Variants in RPS29 observed in about 807,000 individuals in gnomAD.
RPS29 encodes the protein small ribosomal subunit protein uS14.
For missense variants in RPS29, 60 were observed against 75.7 expected (o/e 0.79, Z 0.77); for synonymous variants, 37 against 26.9 (o/e 1.37, Z -1.16).
chr14:49,585,928 G>A (rs752497472), intron 2 of RPS29, 22 bp downstream of exon 2: 1 of 1,582,334 alleles, frequency 6.3e-7, no homozygotes, highest in Non-Finnish European at 8.7e-7. Flanking sequence ...AAACAACATG[G>A]AGTACGCCTG....
chr14:49,582,012 C>CCAA (rs71115379), downstream of RPS29, among the ~76,000 whole-genome samples: 3 of 106,506 alleles, frequency 2.8e-5, no homozygotes, highest in African/African-American at 9.1e-5. Context: ...CCCTGCCCCC[C>CCAA]AAAAAAAAAA....
At chr14:49,577,666 C>A in exon 3 of RPS29, 1 of 748,854 alleles carries the variant, frequency 1.3e-6, no homozygotes, top group Non-Finnish European at 2.4e-6. Context: ...TTCTATGAAC[C>A]CTGTTGTTAA....
chr14:49,581,797 G>A (rs1881342305), downstream of RPS29, among the ~76,000 whole-genome samples: 1 of 152,022 alleles, frequency 6.6e-6, no homozygotes, highest in Non-Finnish European at 1.5e-5. Flanking sequence ...GAGAGACCAA[G>A]GCGGGCTGAT....
chr14:49,578,838 C>A (rs183168890), downstream of RPS29, among the ~76,000 whole-genome samples: 4 of 152,264 alleles, frequency 2.6e-5, no homozygotes, highest in African/African-American at 9.6e-5. Flanking sequence ...GGATTACAGG[C>A]ATGAGCCACC....
intron 1 of RPS29, among the ~76,000 whole-genome samples, chr14:49,595,512 TAGG>T (rs947764515): frequency 6.6e-6 from 1 of 150,756 alleles, no homozygotes; most frequent in Admixed American, 6.6e-5. Context: ...GAGGCTGGGG[TAGG>T]AGGATGGCTT....
chr14:49,578,850 C>T (rs376898890), downstream of RPS29, among the ~76,000 whole-genome samples: 2 of 152,128 alleles, frequency 1.3e-5, no homozygotes, highest in Non-Finnish European at 2.9e-5. Flanking sequence ...TGAGCCACCC[C>T]GCCCAGCCAG....
downstream of RPS29, among the ~76,000 whole-genome samples, chr14:49,583,348 AGACCATCCT>A (rs1313158038): frequency 6.6e-6 from 1 of 152,160 alleles, no homozygotes; most frequent in East Asian, 1.9e-4. Context: ...CAAGAGATCG[AGACCATCCT>A]GGTCAACATG....
chr14:49,585,792 C>A, intron 2 of RPS29, 158 bp downstream of exon 2: 3 of 615,104 alleles, frequency 4.9e-6, no homozygotes, highest in Non-Finnish European at 8.8e-6. Flanking sequence ...ACCATCAACA[C>A]TGTCACCAGC....
exon 3 of RPS29, chr14:49,572,292 T>C (rs1158236979): frequency 1.3e-5 from 2 of 152,256 alleles, no homozygotes. Context: ...ACTCCCAAAG[T>C]GTGACTGGCA....
intron 2 of RPS29, among the ~76,000 whole-genome samples, chr14:49,578,156 C>A (rs1881237680): frequency 6.6e-6 from 1 of 151,472 alleles, no homozygotes; most frequent in South Asian, 2.1e-4. Flanking sequence ...TACAGGACAA[C>A]ACAGAATTAA....
downstream of RPS29, among the ~76,000 whole-genome samples, chr14:49,579,101 G>A (rs913146720): frequency 3.3e-5 from 5 of 152,142 alleles, no homozygotes; most frequent in Admixed American, 3.3e-4. Flanking sequence ...CTAGCCTGTG[G>A]GTTGTAGGAG....
chr14:49,596,251 T>C (rs771536031), intron 1 of RPS29, among the ~76,000 whole-genome samples: 2 of 152,182 alleles, frequency 1.3e-5, no homozygotes, highest in East Asian at 3.8e-4. Context: ...ACTAATTTTA[T>C]AGAAGAAAAA....
chr14:49,598,672 C>G (rs1364220197), exon 1 of RPS29: 3 of 700,356 alleles, frequency 4.3e-6, no homozygotes, highest in Admixed American at 2.0e-5. Flanking sequence ...AGCTGAAACC[C>G]TCGGAATCCT....
At chr14:49,585,399 AATAC>A (rs1195435728) in intron 2 of RPS29, 1 of 153,928 alleles carries the variant, frequency 6.5e-6, no homozygotes, top group Non-Finnish European at 1.4e-5. Flanking sequence ...GTCAGCGGTT[AATAC>A]ATATATTTGG....
At chr14:49,576,692 T>C (rs1881190155) in exon 3 of RPS29, 1 of 151,942 alleles carries the variant, frequency 6.6e-6, no homozygotes, top group Admixed American at 6.5e-5. Context: ...AATCCCCACA[T>C]GTTGTGAGAG....
chr14:49,582,012 C>CCAAAAAAAAAAAAACAAAA (rs71115379), downstream of RPS29, among the ~76,000 whole-genome samples: 1 of 106,534 alleles, frequency 9.4e-6, no homozygotes, highest in African/African-American at 4.5e-5. Flanking sequence ...CCCTGCCCCC[C>CCAAAAAAAAAAAAACAAAA]AAAAAAAAAA....
chr14:49,578,740 T>C (rs957490640), downstream of RPS29, among the ~76,000 whole-genome samples: 1 of 151,992 alleles, frequency 6.6e-6, no homozygotes, highest in Non-Finnish European at 1.5e-5. Context: ...TTTGTATTTT[T>C]AACAGAGACA....
intron 1 of RPS29, among the ~76,000 whole-genome samples, chr14:49,597,251 G>C (rs1024838075): frequency 6.6e-6 from 1 of 151,674 alleles, no homozygotes; most frequent in African/African-American, 2.4e-5. Flanking sequence ...GTGGAGACGA[G>C]GTCTCACTAT....
chr14:49,585,182 A>C (rs934330430), intron 2 of RPS29: 1 of 152,178 alleles, frequency 6.6e-6, no homozygotes, highest in African/African-American at 2.4e-5. Flanking sequence ...AGCCTGACCA[A>C]CATGGTAAAA....
Sources: gnomAD v4.1 joint callset for allele counts (sites outside exome capture counted in the v4.1 genomes callset) on GRCh38, gnomAD v4.1.1 for gene constraint, MANE v1.5 for transcripts, NCBI Gene and HGNC (gene_info 2026-07-23, HGNC 2026-07-21) for gene names.